Variants in GUCY1A2 observed in about 807,000 individuals in gnomAD.
GUCY1A2 encodes the protein guanylate cyclase soluble subunit alpha-2.
In GUCY1A2, 27 loss-of-function variants were observed where a neutral mutation model predicts 63.5. The observed-to-expected ratio is 0.43, with a 90% confidence interval of 0.31 to 0.59. GUCY1A2 has a LOEUF of 0.59. Ranked by LOEUF, GUCY1A2 falls within the 20% of genes least tolerant of loss-of-function variation. The probability of loss-of-function intolerance (pLI) is 0.11; values close to 1 mark genes in which losing one functional copy is unlikely to be tolerated. For synonymous variants in GUCY1A2, 364 were observed against 343.5 expected, an observed-to-expected ratio of 1.06 and a Z score of -0.66; for missense variants, 768 against 913.3, an observed-to-expected ratio of 0.84 and a Z score of 2.05.
At chr11:106,701,715 T>C (rs922300533) in intron 7 of GUCY1A2, among the ~76,000 whole-genome samples, 2 of 152,116 alleles carry the variant, frequency 1.3e-5, no homozygotes, top group African/African-American at 4.8e-5. Context: ...TCTGTAGCAC[T>C]TGGGGTGAAT....
At chr11:106,830,824 T>C (rs543852354) in intron 4 of GUCY1A2, among the ~76,000 whole-genome samples, 1 of 152,230 alleles carries the variant, frequency 6.6e-6, no homozygotes, top group South Asian at 2.1e-4. Flanking sequence ...AATGAAATAA[T>C]ACATATCAAA....
chr11:106,828,300 AT>A (rs60118533), intron 4 of GUCY1A2, among the ~76,000 whole-genome samples: 137,151 of 151,310 alleles, frequency 0.91, 62,220 homozygotes, highest in East Asian at 0.99. Flanking sequence ...CTTTTCCTAG[AT>A]TTTTTTTTTA....
intron 4 of GUCY1A2, among the ~76,000 whole-genome samples, chr11:106,910,093 T>C (rs1050373279): frequency 1.3e-5 from 2 of 152,010 alleles, no homozygotes; most frequent in African/African-American, 4.8e-5. Context: ...GCTAAAAACA[T>C]ACTTACACTA....
At chr11:106,757,364 C>T (rs1404280946) in intron 6 of GUCY1A2, among the ~76,000 whole-genome samples, 1 of 152,168 alleles carries the variant, frequency 6.6e-6, no homozygotes, top group Non-Finnish European at 1.5e-5. Context: ...AGTCATCAAA[C>T]TCATTCTCCA....
chr11:106,732,514 A>G (rs985503286), intron 6 of GUCY1A2, among the ~76,000 whole-genome samples: 1 of 152,154 alleles, frequency 6.6e-6, no homozygotes, highest in African/African-American at 2.4e-5. Context: ...AACCTACTAG[A>G]AAATATTTAA....
intron 4 of GUCY1A2, among the ~76,000 whole-genome samples, chr11:106,915,931 T>A (rs965884411): frequency 1.4e-5 from 2 of 143,834 alleles, no homozygotes; most frequent in African/African-American, 4.9e-5. Flanking sequence ...ATACACAACA[T>A]TTTTATCTGT....
chr11:106,819,553 G>A (rs914356395), intron 4 of GUCY1A2, among the ~76,000 whole-genome samples: 7 of 152,048 alleles, frequency 4.6e-5, no homozygotes, highest in African/African-American at 1.7e-4. Context: ...ACTTGATGAA[G>A]GCTCAGATAA....
intron 4 of GUCY1A2, among the ~76,000 whole-genome samples, chr11:106,901,828 A>G (rs149152330): frequency 0.012 from 1,889 of 152,058 alleles, 25 homozygotes; most frequent in South Asian, 0.046. Context: ...ATCCTTTTTT[A>G]TGGCCGCACA....
At chr11:106,715,342 AT>A (rs1159797393) in intron 6 of GUCY1A2, among the ~76,000 whole-genome samples, 2 of 152,152 alleles carry the variant, frequency 1.3e-5, no homozygotes, top group Admixed American at 1.3e-4. Flanking sequence ...CAGCTCCCTC[AT>A]TTTACAAATA....
intron 2 of GUCY1A2, among the ~76,000 whole-genome samples, chr11:106,983,764 A>C (rs563777077): frequency 1.3e-5 from 2 of 152,334 alleles, no homozygotes; most frequent in Non-Finnish European, 2.9e-5. Flanking sequence ...GATTAGGAAA[A>C]GCATCTCCTT....
At chr11:106,933,482 T>TA (rs1860632148) in intron 4 of GUCY1A2, among the ~76,000 whole-genome samples, 1 of 152,140 alleles carries the variant, frequency 6.6e-6, no homozygotes, top group South Asian at 2.1e-4. Flanking sequence ...AGGGAACACT[T>TA]ATACGTTGTT....
intron 4 of GUCY1A2, among the ~76,000 whole-genome samples, chr11:106,884,578 C>G (rs2155917): frequency 0.13 from 20,234 of 151,886 alleles, 1,410 homozygotes; most frequent in Non-Finnish European, 0.15. Context: ...ACTAAGAAAA[C>G]ACAGGAAAAG....
intron 4 of GUCY1A2, chr11:106,936,618 G>C: frequency 7.7e-7 from 1 of 1,292,252 alleles, no homozygotes; most frequent in Non-Finnish European, 1.1e-6. Flanking sequence ...ATCAAAGCTT[G>C]GTCAAGCCAT....
At chr11:106,937,248 A>C (rs564738460) in intron 4 of GUCY1A2, among the ~76,000 whole-genome samples, 141 of 152,316 alleles carry the variant, frequency 9.3e-4, no homozygotes, top group African/African-American at 3.2e-3. Context: ...AACATGTTTA[A>C]ATGATAATTG....
Position 106,939,353 on chromosome 11 carries a change from T to TTAAG in GUCY1A2, c.1206+103_1206+106dup, listed in dbSNP as rs557068788. 938 of 684,894 alleles carry TTAAG rather than the reference T, an allele frequency of 1.4e-3. 3 individuals are homozygous for TTAAG. The highest frequency in any genetic ancestry group is 2.0e-3 in the Non-Finnish European group (780 of 392,730). The allele number at this position is 684,894 out of a possible 1,614,324, so 42.4% of individuals were successfully genotyped here. A position where few individuals can be genotyped will look rare whatever the true frequency, so the allele number is the denominator to read the frequency against. On this transcript the variant is annotated intron_variant, in intron 4 of 7. Coordinates refer to ENST00000526355, the MANE Select transcript of GUCY1A2 (RefSeq NM_000855.3). ...GACCAGTAATCTTCTAAATGGCACT[T>TTAAG]TAAGCTCTCTTGCCTAAATAATTAC...
At chr11:106,738,906 T>C (rs1263331790) in intron 6 of GUCY1A2, among the ~76,000 whole-genome samples, 1 of 152,174 alleles carries the variant, frequency 6.6e-6, no homozygotes, top group East Asian at 1.9e-4. Context: ...AAATTTAAAG[T>C]AGTTTTTTTC....
intron 4 of GUCY1A2, among the ~76,000 whole-genome samples, chr11:106,822,464 A>G (rs1303925347): frequency 6.6e-6 from 1 of 152,148 alleles, no homozygotes; most frequent in Non-Finnish European, 1.5e-5. Context: ...TTTATTACCC[A>G]GGTAGACAGC....
intron 4 of GUCY1A2, among the ~76,000 whole-genome samples, chr11:106,927,237 G>A (rs1860537223): frequency 6.6e-6 from 1 of 151,474 alleles, no homozygotes; most frequent in South Asian, 2.1e-4. Context: ...GCCAGGCGTG[G>A]TGGCGGGCGC....
rs1391687447 is a variant in GUCY1A2, at chr11:106,948,082, C to A, written c.488-7904G>T. ...GGAATGGAAATGGGTAAGTATCTGG[C>A]AAAGTATAAATGACCAAAGTTGACT... On this transcript the variant is annotated intron_variant, in intron 3 of 7. Coordinates refer to ENST00000526355, the MANE Select transcript of GUCY1A2 (RefSeq NM_000855.3). Among the ~76,000 whole-genome samples, 6 of 152,038 alleles carry A rather than the reference C, an allele frequency of 3.9e-5. No individual in the cohort carries two copies. The East Asian group carries it at 1.2e-3, about 29-fold the overall frequency.
Sources: allele counts gnomAD v4.1 joint callset (sites outside exome capture counted in the v4.1 genomes callset), GRCh38; gene constraint gnomAD v4.1.1; transcripts MANE v1.5; gene names NCBI Gene and HGNC (gene_info 2026-07-23, HGNC 2026-07-21).